The following SPATS2L variants were observed in gnomAD, a reference collection of about 807,000 sequenced individuals.
SPATS2L encodes SPATS2-like protein.
SPATS2L carries 30 observed loss-of-function variants against 59.6 expected under a neutral mutation model. The ratio of observed to expected loss-of-function variants is 0.50; its 90% CI spans 0.38 to 0.68. The LOEUF is 0.68. SPATS2L is among the 30% of genes least tolerant of loss of function. SPATS2L has a pLI of 0.00. For missense variants in SPATS2L, 615 were observed against 700.0 expected (o/e 0.88, Z 1.37); for synonymous variants, 252 against 263.5 (o/e 0.96, Z 0.42).
rs181955803 is a variant in SPATS2L at position 200,378,129 on chromosome 2, T to C, written c.-22-11094T>C. ...AGTAGTCTCTCTGAAGGTGAGTCTT[T>C]CTGTTGCTCAGGTGACCAAGGCCAC... On this transcript the variant is annotated intron_variant, in intron 2 of 12. Transcript: ENST00000409140. The C allele has an allele frequency of 1.1e-3, 654 of 603,374 alleles. 3 individuals are homozygous for C. The African/African-American group carries it at 0.012, about 12-fold the overall frequency. The allele number at this position is 603,374 out of a possible 1,614,324, so 37.4% of individuals were successfully genotyped here. A position where few individuals can be genotyped will look rare whatever the true frequency, so the allele number is the denominator to read the frequency against.
At chr2:200,356,088 A>G (rs1232042621) in intron 2 of SPATS2L, among the ~76,000 whole-genome samples, 2 of 152,212 alleles carry the variant, frequency 1.3e-5, no homozygotes, top group Admixed American at 1.3e-4. Flanking sequence ...GTACATTTAC[A>G]CCTGTGGTTT....
chr2:200,472,697 C>A (rs1307379902), intron 11 of SPATS2L, 135 bp from the exon 12 acceptor site: 5 of 746,962 alleles, frequency 6.7e-6, no homozygotes, highest in Non-Finnish European at 1.1e-5. Flanking sequence ...CAAATAACAT[C>A]TTTCAAAAGA....
chr2:200,405,290 C>T (rs539486375), intron 3 of SPATS2L, among the ~76,000 whole-genome samples: 1 of 152,206 alleles, frequency 6.6e-6, no homozygotes, highest in East Asian at 1.9e-4. Flanking sequence ...TTTCTAAGAT[C>T]CTCTCCACTT....
intron 6 of SPATS2L, among the ~76,000 whole-genome samples, chr2:200,435,012 G>A (rs1414729108): frequency 6.6e-6 from 1 of 152,130 alleles, no homozygotes; most frequent in Admixed American, 6.6e-5. Context: ...CATATAGTCA[G>A]TTAATGTTTA....
At chr2:200,377,683 G>C (rs1034788264) in intron 2 of SPATS2L, among the ~76,000 whole-genome samples, 3 of 152,166 alleles carry the variant, frequency 2.0e-5, no homozygotes, top group Non-Finnish European at 4.4e-5. Flanking sequence ...TAAAGATCAG[G>C]CAAGAACTTC....
chr2:200,423,253 A>C lies in SPATS2L; in HGVS notation c.445+3757A>C, dbSNP rs147637365. On this transcript the variant is annotated intron_variant, in intron 6 of 12. Transcript: ENST00000409140. ...TTGTAGTTAGATTTTCCTGCCTTCA[A>C]ATTATGAAGGTTCATCAGAAAGTTG... Among the ~76,000 whole-genome samples, 27 of 152,326 alleles carry C rather than the reference A, an allele frequency of 1.8e-4. No individual in the cohort carries two copies. The East Asian group carries it at 5.0e-3, about 28-fold the overall frequency.
intron 8 of SPATS2L, among the ~76,000 whole-genome samples, chr2:200,443,565 T>G (rs529802776): frequency 6.6e-6 from 1 of 152,326 alleles, no homozygotes; most frequent in South Asian, 2.1e-4. Context: ...ACCTTCCGTT[T>G]CCAGTTCCTC....
At chr2:200,410,337 T>C (rs1211138001) in intron 3 of SPATS2L, among the ~76,000 whole-genome samples, 1 of 152,168 alleles carries the variant, frequency 6.6e-6, no homozygotes. Context: ...CTTCCTGGGC[T>C]GGATGGAGGG....
At chr2:200,450,622 G>C (rs1460570550) in intron 8 of SPATS2L, among the ~76,000 whole-genome samples, 2 of 152,200 alleles carry the variant, frequency 1.3e-5, no homozygotes, top group Non-Finnish European at 2.9e-5. Context: ...AGGAGCATCA[G>C]GGCCCCATTT....
intron 6 of SPATS2L, among the ~76,000 whole-genome samples, chr2:200,428,951 ATC>A (rs2083742789): frequency 6.6e-6 from 1 of 152,120 alleles, no homozygotes; most frequent in Non-Finnish European, 1.5e-5. Context: ...CCACTCATTA[ATC>A]TCCTAGCACT....
intron 6 of SPATS2L, among the ~76,000 whole-genome samples, chr2:200,434,653 G>A (rs1251720035): frequency 6.6e-6 from 1 of 152,044 alleles, no homozygotes; most frequent in African/African-American, 2.4e-5. Context: ...TTTGACTGTA[G>A]ATGCACAAGA....
At chr2:200,372,282 T>C in intron 2 of SPATS2L, 3 of 787,894 alleles carry the variant, frequency 3.8e-6, no homozygotes, top group Non-Finnish European at 4.6e-6. Flanking sequence ...TTATCCTCAT[T>C]CAATGGCCAG....
intron 8 of SPATS2L, among the ~76,000 whole-genome samples, chr2:200,452,907 C>T (rs866694011): frequency 6.7e-6 from 1 of 149,244 alleles, no homozygotes; most frequent in South Asian, 2.1e-4. Context: ...AAAAAAAAAT[C>T]TATTATTATT....
At chr2:200,361,312 A>G (rs540924099) in intron 2 of SPATS2L, among the ~76,000 whole-genome samples, 18 of 152,280 alleles carry the variant, frequency 1.2e-4, no homozygotes, top group Admixed American at 3.3e-4. Context: ...AAGAAGGGAA[A>G]TTGACTGGGG....
At chr2:200,307,063 C>G (rs1574344470) in intron 1 of SPATS2L, 141 bp downstream of exon 1, 2 of 712,196 alleles carry the variant, frequency 2.8e-6, no homozygotes, top group Admixed American at 6.3e-5. Context: ...CGCCGCCTCC[C>G]GGAGCGCTGG....
chr2:200,429,835 A>T (rs1057312007), intron 6 of SPATS2L, among the ~76,000 whole-genome samples: 20 of 151,972 alleles, frequency 1.3e-4, no homozygotes, highest in Non-Finnish European at 2.2e-4. Flanking sequence ...GTAGATCTGG[A>T]GCCAAGAGAC....
chr2:200,431,226 G>A (rs2083912746), intron 6 of SPATS2L, among the ~76,000 whole-genome samples: 1 of 152,174 alleles, frequency 6.6e-6, no homozygotes, highest in South Asian at 2.1e-4. Context: ...CTGATTGGTA[G>A]AGGGATGGAA....
At chr2:200,315,856 C>CCA in intron 1 of SPATS2L, among the ~76,000 whole-genome samples, 1 of 90,932 alleles carries the variant, frequency 1.1e-5, no homozygotes, top group East Asian at 3.0e-4. Flanking sequence ...ACCAAAAATC[C>CCA]AAAAAAAAAA....
chr2:200,379,454 G>A (rs536350227), intron 2 of SPATS2L, among the ~76,000 whole-genome samples: 1 of 152,184 alleles, frequency 6.6e-6, no homozygotes, highest in African/African-American at 2.4e-5. Flanking sequence ...CACAGACCCT[G>A]GTGCATTGTC....
Sources: allele counts gnomAD v4.1 joint callset (sites outside exome capture counted in the v4.1 genomes callset), GRCh38; gene constraint gnomAD v4.1.1; transcripts MANE v1.5; gene names NCBI Gene and HGNC (gene_info 2026-07-23, HGNC 2026-07-21).